GLS2: variants seen among roughly 807,000 people sequenced by gnomAD.
GLS2 encodes the protein glutaminase 2.
A neutral mutation model predicts 79.0 loss-of-function variants in GLS2; 52 were observed. The observed-to-expected ratio is 0.66, with a 90% CI of 0.53 to 0.83. The LOEUF is 0.83. GLS2 is among the 40% of genes least tolerant of loss of function. The pLI is 0.00. For missense variants in GLS2, 561 were observed against 764.8 expected (o/e 0.73, Z 3.14); for synonymous variants, 238 against 280.8 (o/e 0.85, Z 1.52).
chr12:56,471,882 C>T, intron 16 of GLS2, 46 bp from the exon 17 acceptor site: 1 of 1,588,824 alleles, frequency 6.3e-7, no homozygotes, highest in Non-Finnish European at 8.6e-7. Context: ...AGGTCTTGAA[C>T]CCTTTGGTGC....
intron 15 of GLS2, 194 bp downstream of exon 15, chr12:56,472,496 C>T: frequency 1.6e-6 from 1 of 617,664 alleles, no homozygotes; most frequent in South Asian, 2.0e-5. Flanking sequence ...CAATGGCTAA[C>T]ATTAATTATC....
Position 56,471,166 on chromosome 12 carries a change from G to A in GLS2, c.*321C>T. 2.3e-6 allele frequency: 1 copy of A among 427,858 alleles called. No homozygotes were observed. The highest frequency in any genetic ancestry group is 3.4e-5 in the East Asian group (1 of 29,664). The allele number at this position is 427,858 out of a possible 1,614,324, so 26.5% of individuals were successfully genotyped here. On this transcript the variant is annotated 3_prime_UTR_variant, in exon 18 of 18. Coordinates refer to ENST00000311966, the MANE Select transcript of GLS2 (RefSeq NM_013267.4). ...TCCACCAGAGTATCTCTCTCATGAT[G>A]GTTTCTTCAGGGAGAGGAAGAGGAG...
At position 56,471,801 on chromosome 12, in the gene GLS2, A is replaced by C; in HGVS notation, c.1624T>G (p.Cys542Gly). 1 of 1,614,140 alleles carries C rather than the reference A, an allele frequency of 6.2e-7. No homozygotes were observed. The highest frequency in any genetic ancestry group is 8.5e-7 in the Non-Finnish European group (1 of 1,180,028). Residue 542 changes from cysteine (C) to glycine (G), a missense_variant, in exon 17 of 18, where the codon TGC (cysteine) becomes GGC (glycine). Coordinates refer to ENST00000311966, the MANE Select transcript of GLS2 (RefSeq NM_013267.4). ...TCCTTGGCAAAAGGATTCACTTTGC[A>C]AGCCTCGATCAGGAATTTAACAACT... ...IEVVKFLIEA[C>G]KVNPFAKDRW...
In GLS2 at chr12:56,471,388, T is replaced by A; in HGVS notation, c.*99A>T. ...CACCAAATGACTGCTTGGTCCCCAC[T>A]GAAGCAGTGTAGCTCTCCATAGTAT... is the stretch of plus-strand genomic sequence containing the variant. On this transcript the variant is annotated 3_prime_UTR_variant, in exon 18 of 18. Transcript: ENST00000311966. 8 of 1,299,230 alleles carry A rather than the reference T, an allele frequency of 6.2e-6. No homozygotes were observed. Among genetic ancestry groups the A allele is most frequent in the Non-Finnish European group, 6.3e-6 (6 of 957,090 alleles). The allele number at this position is 1,299,230 out of a possible 1,614,324, so 80.5% of individuals were successfully genotyped here. A position where few individuals can be genotyped will look rare whatever the true frequency, so the allele number is the denominator to read the frequency against.
At chr12:56,487,827 G>T in intron 1 of GLS2, 110 bp downstream of exon 1, 1 of 1,243,976 alleles carries the variant, frequency 8.0e-7, no homozygotes, top group Non-Finnish European at 1.1e-6. Flanking sequence ...GCTAGTGAGC[G>T]AGGAGAGGGG....
At chr12:56,482,745 T>C (rs1018104451) in intron 1 of GLS2, among the ~76,000 whole-genome samples, 4 of 152,186 alleles carry the variant, frequency 2.6e-5, no homozygotes, top group African/African-American at 9.7e-5. Flanking sequence ...CATTAATATG[T>C]TAAAATATTT....
rs775231560 is a variant in GLS2 at position 56,474,725 on chromosome 12, G to A, written c.1048-5C>T. The A allele has an allele frequency of 6.2e-7, 1 of 1,608,244 alleles. No homozygotes were observed. Among genetic ancestry groups the A allele is most frequent in the Admixed American group, 1.7e-5 (1 of 59,658 alleles). On this transcript the variant is annotated splice_region_variant and splice_polypyrimidine_tract_variant and intron_variant, in intron 11 of 17. Transcript: ENST00000311966. ...AGTGACCTCCACAGAACACAGCTAT[G>A]AAAACAAAGAATAGGTGAAGATGTG...
At chr12:56,479,520 TTATC>T in intron 3 of GLS2, 1 of 419,000 alleles carries the variant, frequency 2.4e-6, no homozygotes, top group Non-Finnish European at 4.2e-6. Context: ...ACATAGGACA[TTATC>T]TAGAAGATAC....
At chr12:56,487,876 A>C in intron 1 of GLS2, 61 bp downstream of exon 1, 1 of 1,541,792 alleles carries the variant, frequency 6.5e-7, no homozygotes, top group Non-Finnish European at 8.7e-7. Context: ...CTCGGGAACT[A>C]GCGAGAACCA....
At chr12:56,472,663 G>A (rs1449582297) in intron 15 of GLS2, 27 bp downstream of exon 15, 2 of 1,601,044 alleles carry the variant, frequency 1.2e-6, no homozygotes, top group Non-Finnish European at 1.7e-6. Flanking sequence ...GTATTTTATT[G>A]TGTATATTTG....
chr12:56,479,738 A>G, intron 3 of GLS2, 42 bp downstream of exon 3: 2 of 1,562,918 alleles, frequency 1.3e-6, no homozygotes, highest in Non-Finnish European at 1.7e-6. Context: ...TGTCCACAGG[A>G]CAGTTTTCAG....
At position 56,471,369 on chromosome 12, in the gene GLS2, A is replaced by T; in HGVS notation, c.*118T>A. 9.0e-7 allele frequency: 1 copy of T among 1,114,174 alleles called. No homozygotes were observed. Among genetic ancestry groups the T allele is most frequent in the Non-Finnish European group, 1.3e-6 (1 of 799,192 alleles). The allele number at this position is 1,114,174 out of a possible 1,614,324, so 69.0% of individuals were successfully genotyped here. On this transcript the variant is annotated 3_prime_UTR_variant, in exon 18 of 18. Coordinates refer to ENST00000311966, the MANE Select transcript of GLS2 (RefSeq NM_013267.4). The stretch of plus-strand genomic sequence containing the variant: ...AGAAAGCACTAGCCTAAGTCACCAA[A>T]TGACTGCTTGGTCCCCACTGAAGCA...
chr12:56,486,866 GAA>G (rs1489208540), intron 1 of GLS2, among the ~76,000 whole-genome samples: 1 of 152,132 alleles, frequency 6.6e-6, no homozygotes, highest in African/African-American at 2.4e-5. Flanking sequence ...TCTCAAAAAA[GAA>G]AGAAATAAAA....
rs1027022998 is a variant in GLS2, at chr12:56,477,867, G to A, written c.778+66C>T. On this transcript the variant is annotated intron_variant, in intron 6 of 17. Transcript: ENST00000311966. ...AGGGCAGAGAAACAAAAAAGGCTGG[G>A]AGATGGGGTGGGGATAAGGAGAAGG... 2.6e-6 allele frequency: 4 copies of A among 1,565,302 alleles called. No homozygotes were observed. The African/African-American group carries it at 4.1e-5, about 16-fold the overall frequency.
At position 56,479,299 on chromosome 12, in the gene GLS2, C is replaced by T. The variant is rs1870095911; in HGVS notation, c.405-118G>A. 6.2e-6 allele frequency: 8 copies of T among 1,293,622 alleles called. No homozygotes were observed. The South Asian group carries it at 1.2e-4, about 20-fold the overall frequency. 80.1% of individuals were successfully genotyped at this position (1,293,622 alleles called of 1,614,324 possible). On this transcript the variant is annotated intron_variant, in intron 3 of 17. Coordinates refer to ENST00000311966, the MANE Select transcript of GLS2 (RefSeq NM_013267.4). ...TGGTCTTCAGGTTTGGGATCAACAG[C>T]TCTGTTACCTTTGGCAAATCAGTTT...
chr12:56,473,183 C>T (rs752534520), intron 14 of GLS2, 45 bp downstream of exon 14: 1 of 1,576,698 alleles, frequency 6.3e-7, no homozygotes, highest in African/African-American at 1.3e-5. Context: ...GCCACCGCAC[C>T]TGGCCTTTGA....
At chr12:56,477,878 G>C (rs1347779488) in intron 6 of GLS2, 55 bp downstream of exon 6, 1 of 1,575,436 alleles carries the variant, frequency 6.3e-7, no homozygotes, top group Non-Finnish European at 8.6e-7. Flanking sequence ...AGATGGGGTG[G>C]GGATAAGGAG....
Position 56,470,970 on chromosome 12 carries a change from T to G in GLS2, c.*517A>C, listed in dbSNP as rs999121501. On this transcript the variant is annotated 3_prime_UTR_variant, in exon 18 of 18. Coordinates refer to ENST00000311966, the MANE Select transcript of GLS2 (RefSeq NM_013267.4). ...GCAAAAATGATTTGGTAATTAAAGT[T>G]TATTTGAACACAAAATACTTTCTCT... 5.9e-6 allele frequency: 1 copy of G among 169,488 alleles called. No individual in the cohort carries two copies. The highest frequency in any genetic ancestry group is 2.4e-5 in the African/African-American group (1 of 42,226). The allele number at this position is 169,488 out of a possible 1,614,324, so 10.5% of individuals were successfully genotyped here. A position where few individuals can be genotyped will look rare whatever the true frequency, so the allele number is the denominator to read the frequency against.
chr12:56,474,417 A>T, intron 12 of GLS2, 127 bp downstream of exon 12: 1 of 1,153,926 alleles, frequency 8.7e-7, no homozygotes, highest in Non-Finnish European at 1.2e-6. Flanking sequence ...GTCTCAACCT[A>T]ATTGCCTTCC....
Sources: allele counts gnomAD v4.1 joint callset (sites outside exome capture counted in the v4.1 genomes callset), GRCh38; gene constraint gnomAD v4.1.1; transcripts MANE v1.5; gene names NCBI Gene and HGNC (gene_info 2026-07-23, HGNC 2026-07-21).